The following VKORC1L1 variants were observed in gnomAD, a reference collection of about 807,000 sequenced individuals.
The protein encoded by VKORC1L1 is vitamin K epoxide reductase complex subunit 1-like protein 1.
VKORC1L1 carries 2 observed loss-of-function variants against 18.9 expected under a neutral mutation model. That is an observed-to-expected ratio of 0.11 (90% CI 0.04 to 0.33). VKORC1L1 has a LOEUF of 0.33. VKORC1L1 is among the 10% of genes least tolerant of loss of function. The pLI is 1.00. For synonymous variants in VKORC1L1, 96 were observed against 100.0 expected (o/e 0.96, Z 0.24); for missense variants, 123 against 224.1 (o/e 0.55, Z 2.88).
rs761338410 is a variant in VKORC1L1, at chr7:65,873,516, C to G, written c.145C>G (p.Leu49Val). The G allele has an allele frequency of 1.6e-5, 26 of 1,590,530 alleles. No individual in the cohort carries two copies. Among genetic ancestry groups the G allele is most frequent in the Non-Finnish European group, 2.2e-5 (26 of 1,170,894 alleles). Reference protein sequence around the residue: ...EKERDPEHRALCDLGPWVKCS... With the variant: ...EKERDPEHRAVCDLGPWVKCS... ...GGAGCGGGACCCCGAGCACCGGGCC[C>G]TCTGCGACCTGGGGCCCTGGGTGAA... The change falls in exon 1 of 3, where the codon CTC becomes GTC. Residue 49 changes from leucine (L) to valine (V), a missense_variant. Physicochemically the swap from Leu to Val is conservative, Grantham distance 32. Transcript: ENST00000360768.
At chr7:65,952,151 G>A (rs538042624) in intron 2 of VKORC1L1, among the ~76,000 whole-genome samples, 9 of 152,304 alleles carry the variant, frequency 5.9e-5, no homozygotes, top group Middle Eastern at 6.8e-3. Context: ...TAAGTTGCCC[G>A]TATCATTCTG....
intron 1 of VKORC1L1, among the ~76,000 whole-genome samples, chr7:65,885,150 G>A (rs1168290766): frequency 6.6e-6 from 1 of 152,140 alleles, no homozygotes; most frequent in Admixed American, 6.5e-5. Context: ...TGTTACATGA[G>A]TCTACAACAT....
At chr7:65,913,004 C>T (rs1426990043) in intron 1 of VKORC1L1, among the ~76,000 whole-genome samples, 1 of 152,086 alleles carries the variant, frequency 6.6e-6, no homozygotes, top group Non-Finnish European at 1.5e-5. Flanking sequence ...CCTTGTGTGC[C>T]AATCTGTCTG....
intron 1 of VKORC1L1, among the ~76,000 whole-genome samples, chr7:65,944,690 G>C (rs1339205399): frequency 6.6e-6 from 1 of 151,866 alleles, no homozygotes; most frequent in Non-Finnish European, 1.5e-5. Flanking sequence ...GCCAAAATAG[G>C]TGGAATGCCT....
rs1001434091 is a variant in VKORC1L1, at chr7:65,873,110, C to G, written c.-262C>G. Among the ~76,000 whole-genome samples, 1 of 149,636 alleles carries G rather than the reference C, an allele frequency of 6.7e-6. No individual in the cohort carries two copies. Among genetic ancestry groups the G allele is most frequent in the Non-Finnish European group, 1.5e-5 (1 of 66,878 alleles). On this transcript the variant is annotated 5_prime_UTR_variant, in exon 1 of 3. Coordinates refer to ENST00000360768, the MANE Select transcript of VKORC1L1 (RefSeq NM_173517.6). ...GCCGATCCGGCCTCTTCGGCCGTTGCGCACTCCACCCCCTCCCTCCGCGCC... is the reference window on the plus strand; with the variant it reads ...GCCGATCCGGCCTCTTCGGCCGTTGGGCACTCCACCCCCTCCCTCCGCGCC...
In VKORC1L1 at chr7:65,873,076, T is replaced by C. The variant is rs1364964416; in HGVS notation, c.-296T>C. Reference sequence around the variant, plus strand: ...GCGGCGCAGCGCCACGCCGCCTCAGTCTCCGCCCGCCGATCCGGCCTCTTC... The same window carrying C: ...GCGGCGCAGCGCCACGCCGCCTCAGCCTCCGCCCGCCGATCCGGCCTCTTC... On this transcript the variant is annotated 5_prime_UTR_variant, in exon 1 of 3. Coordinates refer to ENST00000360768, the MANE Select transcript of VKORC1L1 (RefSeq NM_173517.6). 9.2e-5 allele frequency among the ~76,000 whole-genome samples: 13 copies of C among 142,022 alleles called. No individual in the cohort carries two copies. The highest frequency in any genetic ancestry group is 1.7e-4 in the Non-Finnish European group (11 of 64,460). The allele number at this position is 142,022 out of a possible 152,430, so 93.2% of individuals were successfully genotyped here.
chr7:65,899,125 G>A (rs940833009), intron 1 of VKORC1L1, among the ~76,000 whole-genome samples: 3 of 152,200 alleles, frequency 2.0e-5, no homozygotes, highest in Admixed American at 1.3e-4. Context: ...AATATTAAAT[G>A]CCAGTTTGGG....
At chr7:65,900,814 TAAAAATAA>T (rs962824075) in intron 1 of VKORC1L1, among the ~76,000 whole-genome samples, 5 of 151,956 alleles carry the variant, frequency 3.3e-5, no homozygotes, top group African/African-American at 1.2e-4. Context: ...AAAATAATAA[TAAAAATAA>T]TAATAATAGA....
At chr7:65,950,931 C>A (rs930396551) in intron 2 of VKORC1L1, among the ~76,000 whole-genome samples, 4 of 151,948 alleles carry the variant, frequency 2.6e-5, no homozygotes, top group African/African-American at 4.8e-5. Flanking sequence ...AAGTATAAGC[C>A]CAGATGCAAG....
chr7:65,890,888 A>T (rs1192904923), intron 1 of VKORC1L1, among the ~76,000 whole-genome samples: 1 of 152,182 alleles, frequency 6.6e-6, no homozygotes, highest in East Asian at 1.9e-4. Flanking sequence ...TTACCTATAA[A>T]TGTATCTATA....
chr7:65,924,906 G>T (rs533862048), intron 1 of VKORC1L1, among the ~76,000 whole-genome samples: 1 of 151,984 alleles, frequency 6.6e-6, no homozygotes, highest in Admixed American at 6.6e-5. Flanking sequence ...TCCTGTTACC[G>T]TTCTCTCTCC....
At chr7:65,904,001 G>T (rs912041607) in intron 1 of VKORC1L1, among the ~76,000 whole-genome samples, 2 of 152,112 alleles carry the variant, frequency 1.3e-5, no homozygotes, top group Non-Finnish European at 2.9e-5. Flanking sequence ...AACAGGTACA[G>T]GATTTCCCTT....
Position 65,885,808 on chromosome 7 carries a change from G to A in VKORC1L1, c.194+12243G>A, listed in dbSNP as rs1365302210. ...TTATAGAAGTTTGATATCTGATAGG[G>A]CAAATATGCTCATTTCCAAATTTTT... On this transcript the variant is annotated intron_variant, in intron 1 of 2. Transcript: ENST00000360768. 2.6e-5 allele frequency among the ~76,000 whole-genome samples: 4 copies of A among 152,026 alleles called. No homozygotes were observed. In the South Asian group the frequency reaches 6.2e-4, roughly 24 times the overall value.
intron 1 of VKORC1L1, among the ~76,000 whole-genome samples, chr7:65,895,965 G>A (rs1157448184): frequency 1.4e-5 from 2 of 142,128 alleles, no homozygotes; most frequent in Admixed American, 7.4e-5. Context: ...GCGTGATCTC[G>A]GCTCACTGCA....
At chr7:65,930,099 T>C (rs1172777187) in intron 1 of VKORC1L1, among the ~76,000 whole-genome samples, 1 of 152,160 alleles carries the variant, frequency 6.6e-6, no homozygotes, top group East Asian at 1.9e-4. Flanking sequence ...TAAAGAAACA[T>C]AATTTTGATT....
intron 2 of VKORC1L1, 81 bp downstream of exon 2, chr7:65,948,861 TA>T: frequency 6.7e-7 from 1 of 1,497,394 alleles, no homozygotes; most frequent in Non-Finnish European, 9.1e-7. Flanking sequence ...GTCTTGATGT[TA>T]AAGCATGTGT....
intron 1 of VKORC1L1, among the ~76,000 whole-genome samples, chr7:65,900,450 C>G (rs1172650352): frequency 6.6e-6 from 1 of 151,572 alleles, no homozygotes; most frequent in Non-Finnish European, 1.5e-5. Flanking sequence ...AACAGATCAT[C>G]ATTCTTAATA....
intron 1 of VKORC1L1, among the ~76,000 whole-genome samples, chr7:65,888,641 G>C (rs533554157): frequency 6.6e-6 from 1 of 152,048 alleles, no homozygotes; most frequent in African/African-American, 2.4e-5. Flanking sequence ...GGTGAGGGGG[G>C]TGCAGGGGGG....
At chr7:65,921,040 C>T (rs971532879) in intron 1 of VKORC1L1, among the ~76,000 whole-genome samples, 9 of 151,802 alleles carry the variant, frequency 5.9e-5, no homozygotes, top group Admixed American at 5.9e-4. Context: ...GCTTCTCTTA[C>T]ATTTATTAGT....
Sources: allele counts gnomAD v4.1 joint callset (sites outside exome capture counted in the v4.1 genomes callset), GRCh38; gene constraint gnomAD v4.1.1; transcripts MANE v1.5; gene names NCBI Gene and HGNC (gene_info 2026-07-23, HGNC 2026-07-21).